The following CPED1 variants were observed in gnomAD, a reference collection of about 807,000 sequenced individuals.
The protein encoded by CPED1 is cadherin-like and PC-esterase domain-containing protein 1.
In CPED1, 114 loss-of-function variants were observed where a neutral mutation model predicts 128.2. The ratio of observed to expected loss-of-function variants is 0.89; its 90% confidence interval spans 0.76 to 1.04. The LOEUF (loss-of-function observed/expected upper bound fraction) is 1.04. Ranked by LOEUF, CPED1 falls within the 50% of genes least tolerant of loss-of-function variation. CPED1 has a pLI of 0.00. For missense variants in CPED1, 1,211 were observed against 1,207.1 expected, an observed-to-expected ratio of 1.00 and a Z score of -0.05; for synonymous variants, 462 against 426.7, an observed-to-expected ratio of 1.08 and a Z score of -1.02.
In CPED1 at chr7:121,202,660, T is replaced by G. The variant is rs151102578; in HGVS notation, c.2056-34054T>G. 2.6e-4 allele frequency among the ~76,000 whole-genome samples: 40 copies of G among 152,264 alleles called. No homozygotes were observed. In the East Asian group the frequency reaches 6.6e-3, roughly 25 times the overall value. On this transcript the variant is annotated intron_variant, in intron 16 of 22. Transcript: ENST00000310396. ...GCAAGATTGGGAGTCACTAGACTGA[T>G]GGAAACTTGAGGACAGAGAGTATCC...
intron 13 of CPED1, among the ~76,000 whole-genome samples, chr7:121,135,796 T>C (rs898925072): frequency 2.0e-5 from 3 of 152,032 alleles, no homozygotes; most frequent in African/African-American, 7.2e-5. Flanking sequence ...CGTCAGGCAA[T>C]AAATGGCATT....
intron 16 of CPED1, among the ~76,000 whole-genome samples, chr7:121,157,726 C>G (rs181645799): frequency 6.6e-6 from 1 of 152,106 alleles, no homozygotes; most frequent in African/African-American, 2.4e-5. Flanking sequence ...GTATCAGACC[C>G]GCTGGCAGTT....
chr7:121,246,649 AGATTAG>A (rs1371034873), intron 18 of CPED1, among the ~76,000 whole-genome samples: 1 of 152,202 alleles, frequency 6.6e-6, no homozygotes, highest in Non-Finnish European at 1.5e-5. Flanking sequence ...ATCACATTGG[AGATTAG>A]TGTTTCAACA....
At chr7:121,007,223 C>CA in intron 2 of CPED1, among the ~76,000 whole-genome samples, 1 of 138,118 alleles carries the variant, frequency 7.2e-6, no homozygotes, top group East Asian at 2.3e-4. Flanking sequence ...CGAAACTGTT[C>CA]AGGTTGCATT....
chr7:121,187,714 A>T (rs887654299), intron 16 of CPED1, among the ~76,000 whole-genome samples: 1 of 152,166 alleles, frequency 6.6e-6, no homozygotes, highest in Non-Finnish European at 1.5e-5. Context: ...AGAAGAGTTG[A>T]GAAGCAAAAC....
intron 16 of CPED1, among the ~76,000 whole-genome samples, chr7:121,209,543 G>A (rs548714201): frequency 1.5e-4 from 23 of 151,990 alleles, no homozygotes; most frequent in African/African-American, 5.1e-4. Context: ...TTTAGTTCTG[G>A]ATATCTATAT....
intron 22 of CPED1, among the ~76,000 whole-genome samples, chr7:121,290,349 A>G (rs1792670947): frequency 6.6e-6 from 1 of 152,182 alleles, no homozygotes; most frequent in African/African-American, 2.4e-5. Flanking sequence ...GTCAAATGGT[A>G]TTTCTAGTTC....
At chr7:121,282,503 AT>A (rs1353612552) in intron 22 of CPED1, among the ~76,000 whole-genome samples, 1 of 152,206 alleles carries the variant, frequency 6.6e-6, no homozygotes, top group Admixed American at 6.5e-5. Flanking sequence ...TTTCACCGGA[AT>A]AACATTTCCA....
chr7:121,148,197 A>G (rs1796069432), intron 16 of CPED1, among the ~76,000 whole-genome samples: 1 of 152,200 alleles, frequency 6.6e-6, no homozygotes, highest in Non-Finnish European at 1.5e-5. Flanking sequence ...ACAATACAAT[A>G]TGTGCTATAG....
At position 120,989,717 on chromosome 7, in the gene CPED1, T is replaced by C; in HGVS notation, c.96T>C (p.Thr32=). The C allele has an allele frequency of 6.2e-7, 1 of 1,613,944 alleles. No individual in the cohort carries two copies. The highest frequency in any genetic ancestry group is 2.2e-5 in the East Asian group (1 of 44,858). The part of the protein sequence containing the change: ...LVVAICLFYQ[T]LTLRGSRKLT... ...TGGCAATCTGTCTCTTCTACCAGAC[T>C]CTGACCCTCCGAGGGTCGAGGAAGC... Residue 32 remains threonine (T), a synonymous_variant, in exon 2 of 23, where the codon ACT becomes ACC. Transcript: ENST00000310396.
chr7:121,210,357 TC>T (rs2116591285), intron 16 of CPED1, among the ~76,000 whole-genome samples: 1 of 152,128 alleles, frequency 6.6e-6, no homozygotes, highest in East Asian at 1.9e-4. Flanking sequence ...ATAGCTGCAC[TC>T]CCGTGTTTAT....
Position 121,266,382 on chromosome 7 carries a change from C to G in CPED1, c.2466C>G (p.Pro822=), listed in dbSNP as rs145128194. The G allele has an allele frequency of 6.2e-7, 1 of 1,613,190 alleles. No individual in the cohort carries two copies. Among genetic ancestry groups the G allele is most frequent in the Admixed American group, 1.7e-5 (1 of 59,902 alleles). Residue 822 remains proline (P), a synonymous_variant, in exon 19 of 23, where the codon CCC becomes CCG. Coordinates refer to ENST00000310396, the MANE Select transcript of CPED1 (RefSeq NM_024913.5). ...CTTTGATCAGTTATTCCTACTATCC[C>G]CAGTTCTGGATAAGCCCTTCATTGA... ...GKTLISYSYY[P]QFWISPSLRP...
intron 16 of CPED1, among the ~76,000 whole-genome samples, chr7:121,234,392 G>A (rs1415646295): frequency 1.3e-5 from 2 of 151,856 alleles, no homozygotes; most frequent in Non-Finnish European, 2.9e-5. Context: ...TTAATAAATT[G>A]AACACAACAT....
intron 7 of CPED1, among the ~76,000 whole-genome samples, chr7:121,109,675 T>C (rs1035692251): frequency 6.6e-6 from 1 of 152,168 alleles, no homozygotes; most frequent in African/African-American, 2.4e-5. Context: ...GAATAACTTC[T>C]GAATAACTTC....
At chr7:121,231,622 G>A (rs563963199) in intron 16 of CPED1, among the ~76,000 whole-genome samples, 4 of 152,182 alleles carry the variant, frequency 2.6e-5, no homozygotes, top group African/African-American at 4.8e-5. Context: ...GTTGGATGGA[G>A]ATAGATTGGA....
chr7:121,131,132 T>C (rs566326824), intron 12 of CPED1, among the ~76,000 whole-genome samples: 1 of 152,250 alleles, frequency 6.6e-6, no homozygotes, highest in South Asian at 2.1e-4. Context: ...GCTTCAGCTC[T>C]ATTGACTTAC....
intron 5 of CPED1, among the ~76,000 whole-genome samples, chr7:121,095,482 G>T (rs1268245705): frequency 6.8e-6 from 1 of 146,898 alleles, no homozygotes; most frequent in East Asian, 2.0e-4. Context: ...AATTACAGAG[G>T]TTTTTTTTTT....
Position 121,270,156 on chromosome 7 carries a change from C to T in CPED1, c.2722-1128C>T, listed in dbSNP as rs972505456. ...GCCTCACCTCCAACACTGGGGTTCA[C>T]ATTTCAACATGAGATTTGGAGGGGA... On this transcript the variant is annotated intron_variant, in intron 21 of 22. Coordinates refer to ENST00000310396, the MANE Select transcript of CPED1 (RefSeq NM_024913.5). 1.4e-4 allele frequency among the ~76,000 whole-genome samples: 21 copies of T among 152,160 alleles called. No individual in the cohort carries two copies. The South Asian group carries it at 1.9e-3, about 14-fold the overall frequency.
At chr7:121,289,031 A>T (rs1302141365) in intron 22 of CPED1, among the ~76,000 whole-genome samples, 2 of 152,194 alleles carry the variant, frequency 1.3e-5, no homozygotes, top group Non-Finnish European at 2.9e-5. Context: ...GAGTTGCCAT[A>T]TAACCAAATA....
Sources: allele counts gnomAD v4.1 joint callset (sites outside exome capture counted in the v4.1 genomes callset), GRCh38; gene constraint gnomAD v4.1.1; transcripts MANE v1.5; gene names NCBI Gene and HGNC (gene_info 2026-07-23, HGNC 2026-07-21).